Variants in FLYWCH1 observed in about 807,000 individuals in gnomAD.
FLYWCH1 encodes FLYWCH-type zinc finger-containing protein 1.
In FLYWCH1, 75 loss-of-function variants were observed where a neutral mutation model predicts 66.4. That is an observed-to-expected ratio of 1.13 (90% CI 0.94 to 1.37). The LOEUF is 1.37. FLYWCH1 is among the 40% of genes most tolerant of loss of function. The pLI, the probability that FLYWCH1 is intolerant of heterozygous loss-of-function variation, is 0.00. For missense variants in FLYWCH1, 1,334 were observed against 1,001.8 expected, an observed-to-expected ratio of 1.33 and a Z score of -4.48; for synonymous variants, 595 against 429.9, an observed-to-expected ratio of 1.38 and a Z score of -4.75.
chr16:2,930,982 A>G, intron 4 of FLYWCH1, 102 bp downstream of exon 4: 2 of 880,554 alleles, frequency 2.3e-6, no homozygotes, highest in Non-Finnish European at 3.4e-6. Context: ...GGTCTTTTAA[A>G]ATGTACTCAA....
chr16:2,940,579 G>A (rs956200599), intron 9 of FLYWCH1, among the ~76,000 whole-genome samples: 2 of 152,168 alleles, frequency 1.3e-5, no homozygotes, highest in Admixed American at 6.5e-5. Flanking sequence ...GGGATTACAG[G>A]CATGTACCAC....
chr16:2,938,342 C>A lies in FLYWCH1; in HGVS notation c.1936C>A (p.Gln646Lys). ...RLGCRSRAITQGHRIMVMRSH... is the reference protein window; with the variant it reads ...RLGCRSRAITKGHRIMVMRSH... ...GGGCTGCCGCAGCCGCGCCATAACC[C>A]AGGGCCACCGCATCATGGTCATGCG... The change falls in exon 8 of 10, where the codon CAG becomes AAG. Residue 646 changes from glutamine (Q) to lysine (K), a missense_variant. Physicochemically the swap from Gln to Lys is moderately conservative, Grantham distance 53 (BLOSUM62 1). Coordinates refer to ENST00000253928, the MANE Select transcript of FLYWCH1 (RefSeq NM_001308068.2). 1 of 1,604,488 alleles carries A rather than the reference C, an allele frequency of 6.2e-7. No individual in the cohort carries two copies. The highest frequency in any genetic ancestry group is 8.5e-7 in the Non-Finnish European group (1 of 1,175,090).
intron 4 of FLYWCH1, 118 bp from the exon 5 acceptor site, chr16:2,933,012 G>C: frequency 1.1e-6 from 1 of 894,952 alleles, no homozygotes; most frequent in Non-Finnish European, 1.7e-6. Context: ...CAGGAAGCCA[G>C]GGTAAATTTC....
chr16:2,922,032 C>A (rs2335858), intron 2 of FLYWCH1, among the ~76,000 whole-genome samples: 18,855 of 152,178 alleles, frequency 0.12, 1,446 homozygotes, highest in South Asian at 0.23. Context: ...CACTGCACTC[C>A]TGCCTGGGCA....
chr16:2,938,603 CTTTGTTTTTTT>C, intron 8 of FLYWCH1, 147 bp downstream of exon 8: 3 of 376,180 alleles, frequency 8.0e-6, no homozygotes, highest in African/African-American at 5.6e-5. Flanking sequence ...TGAAACCAGT[CTTTGTTTTTTT>C]TTTTTTTTTT....
chr16:2,933,919 G>A lies in FLYWCH1; in HGVS notation c.1453G>A (p.Gly485Ser). ...RGHCHPPDLGGLEALRQREKR... is the reference protein window; with the variant it reads ...RGHCHPPDLGSLEALRQREKR... The stretch of plus-strand genomic sequence containing the variant: ...TCACTGCCACCCGCCCGACCTGGGA[G>A]GCCTGGAGGCCCTGAGGCAGCGGGA... Residue 485 changes from glycine to serine, a missense_variant, in exon 6 of 10, where the codon GGC (glycine) becomes AGC (serine). Coordinates refer to ENST00000253928, the MANE Select transcript of FLYWCH1 (RefSeq NM_001308068.2). The A allele has an allele frequency of 5.7e-6, 9 of 1,572,492 alleles. No individual in the cohort carries two copies. The highest frequency in any genetic ancestry group is 7.8e-6 in the Non-Finnish European group (9 of 1,159,274).
chr16:2,920,592 G>GT (rs1009668996), intron 2 of FLYWCH1, among the ~76,000 whole-genome samples: 2 of 151,036 alleles, frequency 1.3e-5, no homozygotes, highest in Admixed American at 6.6e-5. Flanking sequence ...GTTTGTTTTT[G>GT]TTTTTTTGAG....
intron 4 of FLYWCH1, among the ~76,000 whole-genome samples, chr16:2,931,305 T>TTA (rs2070754135): frequency 1.1e-5 from 1 of 87,468 alleles, no homozygotes; most frequent in Admixed American, 1.4e-4. Flanking sequence ...TCCATCTCAG[T>TTA]AAAAAAAAAA....
intron 6 of FLYWCH1, chr16:2,936,129 T>G (rs1284323260): frequency 3.4e-6 from 1 of 294,780 alleles, no homozygotes. Context: ...GCCAGGCTGG[T>G]CTTGAACTCC....
At chr16:2,947,422 C>CAATTTTTTG (rs397735821) in intron 9 of FLYWCH1, among the ~76,000 whole-genome samples, 1 of 151,852 alleles carries the variant, frequency 6.6e-6, no homozygotes, top group African/African-American at 2.4e-5. Context: ...GTACACTTAA[C>CAATTTTTTG]GGATTTTATG....
At chr16:2,939,803 T>C (rs1443376330) in intron 8 of FLYWCH1, 4 of 446,118 alleles carry the variant, frequency 9.0e-6, no homozygotes, top group Non-Finnish European at 1.6e-5. Context: ...GATGTCTAGT[T>C]GACCCCCACT....
intron 2 of FLYWCH1, chr16:2,922,817 G>A: frequency 3.8e-6 from 2 of 523,468 alleles, no homozygotes; most frequent in Non-Finnish European, 7.6e-6. Context: ...GTGCTTGTTG[G>A]CTTTAACATC....
intron 9 of FLYWCH1, among the ~76,000 whole-genome samples, chr16:2,948,403 CA>C (rs374345147): frequency 2.0e-5 from 3 of 148,120 alleles, no homozygotes; most frequent in South Asian, 2.1e-4. Flanking sequence ...TAATAAAATA[CA>C]AAAAAAAAAT....
In FLYWCH1 at chr16:2,923,334, G is replaced by A. The variant is rs2150917931; in HGVS notation, c.-73-6279G>A. On this transcript the variant is annotated intron_variant, in intron 2 of 9. Transcript: ENST00000253928. Reference sequence around the variant, plus strand: ...GCGATCTCTGCTCACTGCAACCTCTGCCTTCTGGTTCAAGCGATTCTCCTG... The same window carrying A: ...GCGATCTCTGCTCACTGCAACCTCTACCTTCTGGTTCAAGCGATTCTCCTG... The A allele has an allele frequency of 3.6e-5, 6 of 167,592 alleles. 1 individual carries two copies. The highest frequency in any genetic ancestry group is 3.0e-4 in the Admixed American group (5 of 16,468). 10.4% of individuals were successfully genotyped at this position (167,592 alleles called of 1,614,324 possible).
At chr16:2,940,542 TCTC>T (rs1351112935) in intron 9 of FLYWCH1, among the ~76,000 whole-genome samples, 4 of 152,164 alleles carry the variant, frequency 2.6e-5, no homozygotes, top group Admixed American at 2.6e-4. Context: ...TTCAAGCAAT[TCTC>T]CTGTCTCAGC....
rs923114118 is a variant in FLYWCH1 at position 2,951,031 on chromosome 16, C to T, written c.*2304C>T. On this transcript the variant is annotated 3_prime_UTR_variant, in exon 10 of 10. Coordinates refer to ENST00000253928, the MANE Select transcript of FLYWCH1 (RefSeq NM_001308068.2). ...TGAACGCTGGCCGCGGAGCGTGCAG[C>T]CCGGCAGCAGCTCAGCGGGGCAGCT... 6.6e-6 allele frequency: 1 copy of T among 152,304 alleles called. No homozygotes were observed. Among genetic ancestry groups the T allele is most frequent in the African/African-American group, 2.4e-5 (1 of 41,470 alleles). The allele number at this position is 152,304 out of a possible 1,614,324, so 9.4% of individuals were successfully genotyped here.
At chr16:2,934,511 T>C (rs2070915305) in intron 6 of FLYWCH1, 1 of 392,014 alleles carries the variant, frequency 2.6e-6, no homozygotes, top group African/African-American at 2.1e-5. Context: ...GCCTGGTGTT[T>C]TGACTTCACA....
chr16:2,937,305 C>CCG lies in FLYWCH1; in HGVS notation c.1699_1700insGC (p.His567ArgfsTer36). On this transcript the variant is annotated frameshift_variant, in exon 7 of 10. Transcript: ENST00000253928. LOFTEE classifies it high-confidence loss of function. Reference sequence around the variant, plus strand: ...GGGTCATGGTCATGCGCAGGCACTGCCACCCACCGGACCTGGGCGGCCTGG... The same window carrying CCG: ...GGGTCATGGTCATGCGCAGGCACTGCCGCACCCACCGGACCTGGGCGGCCTGG... 3 of 1,603,716 alleles carry CCG rather than the reference C, an allele frequency of 1.9e-6. No homozygotes were observed. Among genetic ancestry groups the CCG allele is most frequent in the Non-Finnish European group, 2.6e-6 (3 of 1,176,052 alleles).
intron 2 of FLYWCH1, among the ~76,000 whole-genome samples, chr16:2,925,749 G>C (rs926332953): frequency 3.9e-5 from 6 of 152,156 alleles, no homozygotes. Flanking sequence ...CCGGGGCTGG[G>C]GGAGGTGTGG....
Sources: gnomAD v4.1 joint callset for allele counts (sites outside exome capture counted in the v4.1 genomes callset) on GRCh38, gnomAD v4.1.1 for gene constraint, MANE v1.5 for transcripts, NCBI Gene and HGNC (gene_info 2026-07-23, HGNC 2026-07-21) for gene names.